Variants in FBXO16 observed in about 807,000 individuals in gnomAD.
The protein encoded by FBXO16 is F-box protein 16, also known as F-box only protein 16.
In FBXO16, 31 loss-of-function variants were observed where a neutral mutation model predicts 41.0. The observed-to-expected ratio is 0.76, with a 90% CI of 0.57 to 1.02. The LOEUF is 1.02. FBXO16 is among the 50% of genes least tolerant of loss of function. The pLI, the probability that FBXO16 is intolerant of heterozygous loss-of-function variation, is 0.00. For synonymous variants in FBXO16, 133 were observed against 117.8 expected (o/e 1.13, Z -0.84); for missense variants, 361 against 346.2 (o/e 1.04, Z -0.34).
chr8:28,452,575 C>T lies in FBXO16; in HGVS notation c.508-99G>A, dbSNP rs112300865. The T allele has an allele frequency of 2.2e-3, 2,476 of 1,111,148 alleles. 41 individuals carry two copies. The African/African-American group carries it at 0.035, about 16-fold the overall frequency. 68.8% of individuals were successfully genotyped at this position (1,111,148 alleles called of 1,614,324 possible). A position where few individuals can be genotyped will look rare whatever the true frequency, so the allele number is the denominator to read the frequency against. The stretch of plus-strand genomic sequence containing the variant: ...CAGCACTTTGGGAGGCCAAGGCAGG[C>T]GGATCACCTGAGGTCAGAAGTTCGA... On this transcript the variant is annotated intron_variant, in intron 5 of 8. Transcript: ENST00000380254.
chr8:28,449,848 T>C (rs1055962486), intron 6 of FBXO16, among the ~76,000 whole-genome samples: 1 of 151,710 alleles, frequency 6.6e-6, no homozygotes, highest in African/African-American at 2.4e-5. Flanking sequence ...GGTGCGTGCC[T>C]GTACTCCTGG....
chr8:28,474,316 C>CAAAAAAAAAAAAAAAAAAAAAAAAAAAA, intron 2 of FBXO16, among the ~76,000 whole-genome samples: 9 of 56,678 alleles, frequency 1.6e-4, no homozygotes, highest in Non-Finnish European at 3.0e-4. Flanking sequence ...CAGACCCTGT[C>CAAAAAAAAAAAAAAAAAAAAAAAAAAAA]AAAAAAAAAA....
intron 7 of FBXO16, among the ~76,000 whole-genome samples, chr8:28,444,780 T>TC (rs1491551527): frequency 3.1e-5 from 1 of 32,092 alleles, no homozygotes; most frequent in Non-Finnish European, 6.4e-5. Context: ...GCGCCCGGAC[T>TC]TTTTTTTTTT....
intron 7 of FBXO16, among the ~76,000 whole-genome samples, chr8:28,446,760 A>G (rs1802870583): frequency 6.6e-6 from 1 of 152,016 alleles, no homozygotes; most frequent in South Asian, 2.1e-4. Context: ...AATCCCAGCT[A>G]CTTGGGAGGC....
rs561633851 is a variant in FBXO16 at position 28,488,142 on chromosome 8, C to T, written c.-17+2044G>A. 2.4e-3 allele frequency among the ~76,000 whole-genome samples: 368 copies of T among 152,178 alleles called. 1 individual carries two copies. Among genetic ancestry groups the T allele is most frequent in the Middle Eastern group, 0.01 (3 of 294 alleles). The stretch of plus-strand genomic sequence containing the variant: ...CTGGGATTACAGGCATGAGCCACTG[C>T]GCCCAGCCAAATATTCATCTTTAAT... On this transcript the variant is annotated intron_variant, in intron 1 of 8. Coordinates refer to ENST00000380254, the MANE Select transcript of FBXO16 (RefSeq NM_172366.4).
At chr8:28,451,113 C>T (rs1563361830) in intron 6 of FBXO16, among the ~76,000 whole-genome samples, 2 of 152,116 alleles carry the variant, frequency 1.3e-5, no homozygotes, top group Non-Finnish European at 2.9e-5. Context: ...CTCACCCAGA[C>T]TTCTTTCAAG....
At chr8:28,472,204 C>T (rs1476412111) in intron 3 of FBXO16, among the ~76,000 whole-genome samples, 2 of 152,152 alleles carry the variant, frequency 1.3e-5, no homozygotes, top group Non-Finnish European at 2.9e-5. Context: ...AATCCTCCTG[C>T]CTTACCCATC....
intron 7 of FBXO16, among the ~76,000 whole-genome samples, chr8:28,429,761 T>G (rs1802579912): frequency 6.6e-6 from 1 of 152,208 alleles, no homozygotes; most frequent in Non-Finnish European, 1.5e-5. Flanking sequence ...TATCCGCCGA[T>G]GACAGCTCCC....
At chr8:28,432,812 T>G (rs2130074164) in intron 7 of FBXO16, among the ~76,000 whole-genome samples, 1 of 152,136 alleles carries the variant, frequency 6.6e-6, no homozygotes, top group Non-Finnish European at 1.5e-5. Flanking sequence ...ATCCCAGCAC[T>G]TTGGGAGGCC....
Position 28,452,914 on chromosome 8 carries a change from A to T in FBXO16, c.508-438T>A, listed in dbSNP as rs116830232. On this transcript the variant is annotated intron_variant, in intron 5 of 8. Transcript: ENST00000380254. The stretch of plus-strand genomic sequence containing the variant: ...TGAGTTGGCTGAAGGATAAAAAAAT[A>T]AAAAAAAAGAAAAAAAGGAATATCA... 5.0e-4 allele frequency among the ~76,000 whole-genome samples: 62 copies of T among 124,862 alleles called. 2 individuals are homozygous for T. The South Asian group carries it at 9.3e-3, about 19-fold the overall frequency. 81.9% of individuals were successfully genotyped at this position (124,862 alleles called of 152,430 possible).
intron 3 of FBXO16, chr8:28,465,592 A>G (rs10089290): frequency 0.19 from 30,895 of 163,932 alleles, 7,130 homozygotes; most frequent in African/African-American, 0.57. Flanking sequence ...TCCAGCCTGG[A>G]CAGCAGAGAG....
intron 5 of FBXO16, among the ~76,000 whole-genome samples, chr8:28,454,306 T>C (rs1803001294): frequency 6.6e-6 from 1 of 151,968 alleles, no homozygotes; most frequent in Non-Finnish European, 1.5e-5. Context: ...CCTGAGCTTC[T>C]ATTGAATTAA....
At chr8:28,474,648 A>G (rs1187550929) in intron 2 of FBXO16, among the ~76,000 whole-genome samples, 6 of 152,214 alleles carry the variant, frequency 3.9e-5, no homozygotes, top group African/African-American at 1.4e-4. Flanking sequence ...GTATGTACAC[A>G]TCTGTAGGAT....
chr8:28,469,641 C>T (rs1190023071), intron 3 of FBXO16, among the ~76,000 whole-genome samples: 1 of 152,156 alleles, frequency 6.6e-6, no homozygotes, highest in Non-Finnish European at 1.5e-5. Context: ...TGGTGGCTCA[C>T]GCCTGTAATA....
At chr8:28,431,325 C>G (rs571132400) in intron 7 of FBXO16, among the ~76,000 whole-genome samples, 4 of 152,312 alleles carry the variant, frequency 2.6e-5, no homozygotes, top group African/African-American at 9.6e-5. Flanking sequence ...GCCACCATTC[C>G]TTGTGGTCCC....
chr8:28,447,261 TC>T lies in FBXO16; in HGVS notation c.752del (p.Arg251LysfsTer4). 1 of 1,612,304 alleles carries T rather than the reference TC, an allele frequency of 6.2e-7. No homozygotes were observed. The highest frequency in any genetic ancestry group is 8.5e-7 in the Non-Finnish European group (1 of 1,179,660). ...GGCTGAAGTCTGGGGTCATTTGGTT[TC>T]TTTTTCTTCTTCTGTAAATTGGAAA... The part of the protein sequence containing the change: ...METVQQGRRK[R>X]NQMTPDFSRQ... On this transcript the variant is annotated frameshift_variant, in exon 7 of 9. Transcript: ENST00000380254. LOFTEE classifies it high-confidence loss of function.
chr8:28,484,644 G>T (rs953429685), intron 1 of FBXO16, among the ~76,000 whole-genome samples: 9 of 152,118 alleles, frequency 5.9e-5, no homozygotes, highest in African/African-American at 1.7e-4. Flanking sequence ...CAGGCTGGAG[G>T]GCAGTAGTAC....
intron 5 of FBXO16, among the ~76,000 whole-genome samples, chr8:28,454,750 AAGG>A (rs1183685365): frequency 0.021 from 1,212 of 57,428 alleles, 144 homozygotes; most frequent in African/African-American, 0.08. Context: ...AAAAAAAAAA[AAGG>A]ATCATTAATT....
chr8:28,444,464 G>A (rs1331034433), intron 7 of FBXO16, among the ~76,000 whole-genome samples: 1 of 147,472 alleles, frequency 6.8e-6, no homozygotes, highest in African/African-American at 2.6e-5. Context: ...CAACATGCCC[G>A]GCTAATTTTT....
Sources: gnomAD v4.1 joint callset for allele counts (sites outside exome capture counted in the v4.1 genomes callset) on GRCh38, gnomAD v4.1.1 for gene constraint, MANE v1.5 for transcripts, NCBI Gene and HGNC (gene_info 2026-07-23, HGNC 2026-07-21) for gene names.